Variants in ENTREP1 observed in about 807,000 individuals in gnomAD.
ENTREP1 encodes the protein Friedreich ataxia region gene X123.
At chr9:69,349,040 C>T in the ENTREP1 span, among the ~76,000 whole-genome samples, 107 of 151,958 alleles carry the variant, frequency 7.0e-4, no homozygotes, top group Middle Eastern at 0.01. Context: ...AAAAATTAGC[C>T]AGGCATGGTG....
At chr9:69,340,739 GTGTGTGTT>G in the ENTREP1 span, among the ~76,000 whole-genome samples, 1 of 135,680 alleles carries the variant, frequency 7.4e-6, no homozygotes, top group Non-Finnish European at 1.6e-5. Flanking sequence ...GTGTGTATGT[GTGTGTGTT>G]TGTGTGTGTG....
the ENTREP1 span, chr9:69,377,732 G>A: frequency 1.9e-5 from 30 of 1,612,766 alleles, 1 homozygote; most frequent in Admixed American, 1.0e-4. Flanking sequence ...TGCACACCCC[G>A]GATGAACCGC....
the ENTREP1 span, among the ~76,000 whole-genome samples, chr9:69,340,643 G>GCA: frequency 6.9e-6 from 1 of 144,204 alleles, no homozygotes; most frequent in African/African-American, 2.7e-5. Context: ...GTGCGTGCAT[G>GCA]TGTGTGTGCA....
the ENTREP1 span, among the ~76,000 whole-genome samples, chr9:69,335,373 G>A: frequency 6.6e-6 from 1 of 152,036 alleles, no homozygotes; most frequent in Non-Finnish European, 1.5e-5. Context: ...CAGGGCAGGT[G>A]ACTGCTAAAT....
the ENTREP1 span, chr9:69,391,816 C>G: frequency 3.2e-6 from 5 of 1,579,008 alleles, no homozygotes; most frequent in Admixed American, 1.8e-5. Flanking sequence ...CCCTGGAAGA[C>G]AGAAGGCCAC....
the ENTREP1 span, among the ~76,000 whole-genome samples, chr9:69,340,706 TATGTGTGTGTGCATGC>T: frequency 2.1e-5 from 3 of 140,764 alleles, no homozygotes; most frequent in Admixed American, 7.1e-5. Flanking sequence ...TGTGTGTGTG[TATGTGTGTGTGCATGC>T]ATGTGTGTGT....
chr9:69,388,140 G>A, the ENTREP1 span: 1 of 1,614,124 alleles, frequency 6.2e-7, no homozygotes, highest in South Asian at 1.1e-5. Flanking sequence ...GGTACATGTT[G>A]TTTGTTTCTG....
chr9:69,336,722 T>A, the ENTREP1 span, among the ~76,000 whole-genome samples: 1 of 152,154 alleles, frequency 6.6e-6, no homozygotes, highest in Non-Finnish European at 1.5e-5. Flanking sequence ...ATTATTGTTA[T>A]TATTTTTGAG....
chr9:69,371,673 G>A, the ENTREP1 span: 35 of 1,068,386 alleles, frequency 3.3e-5, no homozygotes, highest in Middle Eastern at 6.0e-4. Context: ...TGTTCCTGGC[G>A]AGACTTGCAA....
the ENTREP1 span, chr9:69,391,806 C>T: frequency 1.3e-6 from 2 of 1,591,378 alleles, no homozygotes; most frequent in South Asian, 1.1e-5. Context: ...GTCCTGTGAA[C>T]CCTGGAAGAC....
chr9:69,368,405 A>T, the ENTREP1 span, among the ~76,000 whole-genome samples: 1 of 152,044 alleles, frequency 6.6e-6, no homozygotes, highest in Non-Finnish European at 1.5e-5. Flanking sequence ...GTTAAATTTG[A>T]TGATCATGTG....
chr9:69,326,282 G>A, the ENTREP1 span, among the ~76,000 whole-genome samples: 2 of 152,272 alleles, frequency 1.3e-5, no homozygotes, highest in African/African-American at 2.4e-5. Context: ...GAGGTAATGA[G>A]GGGGTGTGTG....
At chr9:69,361,567 G>A in the ENTREP1 span, among the ~76,000 whole-genome samples, 1 of 152,078 alleles carries the variant, frequency 6.6e-6, no homozygotes, top group African/African-American at 2.4e-5. Context: ...CCAGTTTTGG[G>A]CCATTATGGC....
At chr9:69,356,112 C>G in the ENTREP1 span, among the ~76,000 whole-genome samples, 3 of 152,188 alleles carry the variant, frequency 2.0e-5, no homozygotes, top group Non-Finnish European at 4.4e-5. Flanking sequence ...GAAACTATAT[C>G]CATTAAACAA....
the ENTREP1 span, chr9:69,379,884 C>A: frequency 6.6e-6 from 1 of 152,412 alleles, no homozygotes; most frequent in African/African-American, 2.4e-5. Context: ...TCCTCGCTTT[C>A]CTTTCTCTTC....
chr9:69,344,862 T>A, the ENTREP1 span, among the ~76,000 whole-genome samples: 8 of 152,092 alleles, frequency 5.3e-5, no homozygotes, highest in East Asian at 3.9e-4. Flanking sequence ...CCTGGGTTCC[T>A]GAGCCTCGTT....
At chr9:69,344,856 G>T in the ENTREP1 span, among the ~76,000 whole-genome samples, 2 of 152,068 alleles carry the variant, frequency 1.3e-5, no homozygotes, top group Admixed American at 1.3e-4. Flanking sequence ...CTCCTTCCTG[G>T]GTTCCTGAGC....
chr9:69,389,121 G>A, the ENTREP1 span, among the ~76,000 whole-genome samples: 6 of 152,164 alleles, frequency 3.9e-5, no homozygotes, highest in African/African-American at 1.4e-4. Context: ...CTTCTGGTAA[G>A]AGCCTTCTCT....
chr9:69,383,874 A>T, the ENTREP1 span: 2 of 1,574,370 alleles, frequency 1.3e-6, no homozygotes, highest in Non-Finnish European at 1.7e-6. Context: ...ACATCTTTTT[A>T]AGGAGTTCAC....
Sources: gnomAD v4.1 joint callset for allele counts (sites outside exome capture counted in the v4.1 genomes callset) on GRCh38, gnomAD v4.1.1 for gene constraint, MANE v1.5 for transcripts, NCBI Gene and HGNC (gene_info 2026-07-23, HGNC 2026-07-21) for gene names.